The following ZRANB3 variants were observed in gnomAD, a reference collection of about 807,000 sequenced individuals.
ZRANB3 encodes the protein DNA annealing helicase and endonuclease ZRANB3.
ZRANB3 carries 125 observed loss-of-function variants against 133.8 expected under a neutral mutation model. The ratio of observed to expected loss-of-function variants is 0.93; its 90% CI spans 0.81 to 1.08. The LOEUF is 1.08. ZRANB3 is among the 50% of genes least tolerant of loss of function. The pLI, the probability that ZRANB3 is intolerant of heterozygous loss-of-function variation, is 0.00. For synonymous variants in ZRANB3, 387 were observed against 432.7 expected (o/e 0.89, Z 1.31); for missense variants, 1,229 against 1,275.5 (o/e 0.96, Z 0.56).
intron 4 of ZRANB3, among the ~76,000 whole-genome samples, chr2:135,353,095 C>T (rs184832717): frequency 7.9e-5 from 12 of 152,122 alleles, no homozygotes; most frequent in East Asian, 1.9e-4. Context: ...TGATAATAAA[C>T]GATCACAAAG....
chr2:135,253,363 G>A (rs556880325), intron 12 of ZRANB3, among the ~76,000 whole-genome samples: 2 of 152,224 alleles, frequency 1.3e-5, no homozygotes, highest in African/African-American at 4.8e-5. Context: ...TAAAAATCAG[G>A]GGGAGAAAGC....
At chr2:135,265,763 A>G in intron 11 of ZRANB3, 77 bp from the exon 12 acceptor site, 1 of 1,437,848 alleles carries the variant, frequency 7.0e-7, no homozygotes, top group Admixed American at 2.4e-5. Context: ...TTGATTTTGC[A>G]TTTAAATCAT....
At chr2:135,398,958 T>C (rs1369681159) in intron 2 of ZRANB3, among the ~76,000 whole-genome samples, 1 of 152,236 alleles carries the variant, frequency 6.6e-6, no homozygotes, top group Non-Finnish European at 1.5e-5. Context: ...AGTACACTTG[T>C]TGAATCTTTG....
intron 3 of ZRANB3, among the ~76,000 whole-genome samples, chr2:135,381,660 G>A (rs760196494): frequency 2.6e-5 from 4 of 152,234 alleles, no homozygotes; most frequent in South Asian, 2.1e-4. Flanking sequence ...CCAGAGGAAC[G>A]ATCAGGCAGC....
intron 2 of ZRANB3, among the ~76,000 whole-genome samples, chr2:135,408,858 G>T (rs1241159962): frequency 6.6e-6 from 1 of 152,098 alleles, no homozygotes; most frequent in Non-Finnish European, 1.5e-5. Flanking sequence ...ATAGCATTTG[G>T]AGATATATCT....
chr2:135,201,340 C>A (rs113744570), intron 20 of ZRANB3, among the ~76,000 whole-genome samples: 2 of 151,948 alleles, frequency 1.3e-5, no homozygotes, highest in South Asian at 2.1e-4. Flanking sequence ...GTGTTCCAGG[C>A]GGAAACAGTA....
chr2:135,238,799 C>T (rs920455099), intron 12 of ZRANB3: 1 of 152,248 alleles, frequency 6.6e-6, no homozygotes, highest in Non-Finnish European at 1.5e-5. Flanking sequence ...TGAGGAAACC[C>T]AGGCCACATG....
chr2:135,435,664 G>A (rs1391920179), intron 2 of ZRANB3, among the ~76,000 whole-genome samples: 1 of 151,928 alleles, frequency 6.6e-6, no homozygotes, highest in Non-Finnish European at 1.5e-5. Context: ...TTATTTTTTT[G>A]ACTTTTCAGT....
At chr2:135,337,443 C>A (rs1448293445) in intron 6 of ZRANB3, among the ~76,000 whole-genome samples, 1 of 152,098 alleles carries the variant, frequency 6.6e-6, no homozygotes, top group African/African-American at 2.4e-5. Flanking sequence ...AAATCAGAAA[C>A]CTGCTTGGAA....
chr2:135,283,105 T>C (rs1036141945), intron 8 of ZRANB3, among the ~76,000 whole-genome samples: 3 of 150,900 alleles, frequency 2.0e-5, no homozygotes, highest in Admixed American at 2.0e-4. Flanking sequence ...GGCAACATAG[T>C]GGGTGCCTGT....
chr2:135,407,269 C>G (rs1171342085), intron 2 of ZRANB3, among the ~76,000 whole-genome samples: 1 of 150,898 alleles, frequency 6.6e-6, no homozygotes, highest in Non-Finnish European at 1.5e-5. Context: ...TTACAAGGGA[C>G]ATGAAGGACC....
chr2:135,360,693 A>G (rs548544721), intron 3 of ZRANB3, among the ~76,000 whole-genome samples: 125 of 152,350 alleles, frequency 8.2e-4, no homozygotes, highest in Non-Finnish European at 1.4e-3. Flanking sequence ...TGACACAGTG[A>G]GACTCCGTCT....
intron 12 of ZRANB3, among the ~76,000 whole-genome samples, chr2:135,249,874 A>C (rs1679298739): frequency 6.6e-6 from 1 of 152,182 alleles, no homozygotes; most frequent in Admixed American, 6.5e-5. Context: ...GCAGCATGAA[A>C]ATGGACTAAT....
intron 2 of ZRANB3, among the ~76,000 whole-genome samples, chr2:135,396,789 C>T (rs1687510596): frequency 6.6e-6 from 1 of 151,736 alleles, no homozygotes; most frequent in African/African-American, 2.4e-5. Flanking sequence ...TTAAATTGTA[C>T]ATTTAAAAAT....
rs1239346657 is a variant in ZRANB3, at chr2:135,313,520, G to A, written c.935C>T (p.Thr312Ile). 6.2e-7 allele frequency: 1 copy of A among 1,613,416 alleles called. No homozygotes were observed. The highest frequency in any genetic ancestry group is 8.5e-7 in the Non-Finnish European group (1 of 1,179,612). ...GAMETVMGLI[T>I]RMFKQTAIAK... Reference sequence around the variant, plus strand: ...AATAGCAGTTTGTTTAAACATGCGAGTTATCAACCCCATGACTGTCTCCAT... The same window carrying A: ...AATAGCAGTTTGTTTAAACATGCGAATTATCAACCCCATGACTGTCTCCAT... Residue 312 changes from threonine to isoleucine, a missense_variant, in exon 8 of 21, where the codon ACT (threonine) becomes ATT (isoleucine). Transcript: ENST00000264159.
At chr2:135,434,782 A>G (rs1287716982) in intron 2 of ZRANB3, among the ~76,000 whole-genome samples, 1 of 152,208 alleles carries the variant, frequency 6.6e-6, no homozygotes, top group Admixed American at 6.5e-5. Context: ...AAAGGTGCAC[A>G]TTATATATGC....
intron 6 of ZRANB3, among the ~76,000 whole-genome samples, chr2:135,343,474 G>A (rs1684787511): frequency 6.7e-6 from 1 of 149,290 alleles, no homozygotes; most frequent in Non-Finnish European, 1.5e-5. Flanking sequence ...TCTGATTTTG[G>A]TATTAAGTGT....
At chr2:135,411,938 CCTT>C (rs1400208856) in intron 2 of ZRANB3, among the ~76,000 whole-genome samples, 9 of 152,058 alleles carry the variant, frequency 5.9e-5, no homozygotes, top group Non-Finnish European at 4.4e-5. Context: ...GTGACTGCAC[CCTT>C]CTTCTGCCTC....
intron 2 of ZRANB3, among the ~76,000 whole-genome samples, chr2:135,447,995 C>G (rs1182787386): frequency 6.6e-6 from 1 of 152,096 alleles, no homozygotes; most frequent in Non-Finnish European, 1.5e-5. Context: ...GAGTATTGTA[C>G]AAAGATGAAG....
Sources: gnomAD v4.1 joint callset for allele counts (sites outside exome capture counted in the v4.1 genomes callset) on GRCh38, gnomAD v4.1.1 for gene constraint, MANE v1.5 for transcripts, NCBI Gene and HGNC (gene_info 2026-07-23, HGNC 2026-07-21) for gene names.